LGR6: variants seen among roughly 807,000 people sequenced by gnomAD.
LGR6 encodes leucine-rich repeat-containing G protein-coupled receptor 6.
Under a neutral mutation model 69.4 loss-of-function variants are expected in LGR6, and 45 were observed. The ratio of observed to expected loss-of-function variants is 0.65; its 90% CI spans 0.51 to 0.83. LGR6 has a LOEUF of 0.83. Ranked by LOEUF, LGR6 falls within the 40% of genes least tolerant of loss-of-function variation. The pLI is 0.00. For missense variants in LGR6, 1,108 were observed against 1,246.7 expected (o/e 0.89, Z 1.68); for synonymous variants, 538 against 555.0 (o/e 0.97, Z 0.43).
intron 6 of LGR6, among the ~76,000 whole-genome samples, chr1:202,282,063 C>G (rs1271658887): frequency 6.6e-6 from 1 of 152,168 alleles, no homozygotes; most frequent in Admixed American, 6.5e-5. Flanking sequence ...TTGGGCTTAG[C>G]CTGAAGCGGG....
chr1:202,212,078 A>G (rs1659482965), intron 1 of LGR6, among the ~76,000 whole-genome samples: 1 of 152,192 alleles, frequency 6.6e-6, no homozygotes, highest in Non-Finnish European at 1.5e-5. Flanking sequence ...TCGATGGGCA[A>G]CCAGACATGT....
In LGR6 at chr1:202,194,020, T is replaced by C. The variant is rs1277173112; in HGVS notation, c.31T>C (p.Trp11Arg). MPSPPGLRAL[W>R]LCAALCASRR... Reference sequence around the variant, plus strand: ...CAGCCCGCCGGGGCTCCGGGCGCTATGGCTTTGCGCCGCGCTGTGCGCTTC... The same window carrying C: ...CAGCCCGCCGGGGCTCCGGGCGCTACGGCTTTGCGCCGCGCTGTGCGCTTC... Residue 11 changes from tryptophan (W) to arginine (R), a missense_variant, in exon 1 of 18, where the codon TGG (tryptophan) becomes CGG (arginine). Physicochemically the swap from Trp to Arg is moderately radical, Grantham distance 101. Transcript: ENST00000367278. 3 of 1,389,094 alleles carry C rather than the reference T, an allele frequency of 2.2e-6. No homozygotes were observed. The highest frequency in any genetic ancestry group is 2.8e-6 in the Non-Finnish European group (3 of 1,075,582). 86.0% of individuals were successfully genotyped at this position (1,389,094 alleles called of 1,614,324 possible).
intron 4 of LGR6, among the ~76,000 whole-genome samples, chr1:202,243,092 C>T (rs765189841): frequency 1.3e-5 from 2 of 152,064 alleles, no homozygotes; most frequent in Non-Finnish European, 1.5e-5. Flanking sequence ...ACGCATTTAA[C>T]CAGGGTGCTG....
At chr1:202,248,472 G>C (rs74567358) in intron 4 of LGR6, among the ~76,000 whole-genome samples, 4,699 of 152,290 alleles carry the variant, frequency 0.031, 235 homozygotes, top group African/African-American at 0.11. Flanking sequence ...CGCCAAAGTC[G>C]CTTCCCTCCC....
At chr1:202,309,745 G>T (rs573223746) in intron 15 of LGR6, among the ~76,000 whole-genome samples, 1 of 152,248 alleles carries the variant, frequency 6.6e-6, no homozygotes, top group African/African-American at 2.4e-5. Flanking sequence ...GCCCAGAGGT[G>T]GGGGAGGGAT....
intron 4 of LGR6, among the ~76,000 whole-genome samples, chr1:202,253,389 G>A (rs909596951): frequency 9.9e-5 from 15 of 151,142 alleles, no homozygotes; most frequent in African/African-American, 2.9e-4. Flanking sequence ...TGCAATCTCC[G>A]CCTCCTGGGT....
chr1:202,276,051 G>T (rs961417656), intron 4 of LGR6, among the ~76,000 whole-genome samples: 6 of 152,262 alleles, frequency 3.9e-5, no homozygotes, highest in East Asian at 1.9e-4. Context: ...CCAAGATTGT[G>T]CCACTGCACT....
intron 8 of LGR6, 25 bp from the exon 9 acceptor site, chr1:202,301,139 A>C: frequency 1.9e-6 from 3 of 1,610,208 alleles, no homozygotes; most frequent in Non-Finnish European, 2.6e-6. Flanking sequence ...AAACCCAATT[A>C]GGTGTTTGGA....
At chr1:202,211,017 A>T (rs1659444143) in intron 1 of LGR6, among the ~76,000 whole-genome samples, 1 of 152,218 alleles carries the variant, frequency 6.6e-6, no homozygotes, top group Admixed American at 6.5e-5. Flanking sequence ...GGGACTTAGA[A>T]GGTGGGTAGG....
intron 4 of LGR6, among the ~76,000 whole-genome samples, chr1:202,239,504 G>A (rs547679275): frequency 3.3e-5 from 5 of 152,018 alleles, no homozygotes; most frequent in African/African-American, 7.3e-5. Context: ...TTAAGACAGC[G>A]GGGAGCCACG....
chr1:202,311,933 G>A (rs1159679255), intron 16 of LGR6, among the ~76,000 whole-genome samples: 1 of 152,188 alleles, frequency 6.6e-6, no homozygotes, highest in Non-Finnish European at 1.5e-5. Context: ...ATGAGGACCC[G>A]ATGAGGAGCA....
At chr1:202,207,298 C>G (rs1345316005) in intron 1 of LGR6, among the ~76,000 whole-genome samples, 3 of 152,132 alleles carry the variant, frequency 2.0e-5, no homozygotes, top group Non-Finnish European at 4.4e-5. Flanking sequence ...GTCTCCCTCT[C>G]AGGGATGCCA....
rs1666295193 is a variant in LGR6 at position 202,285,039 on chromosome 1, TC to T, written c.716+4188del. ...TCTCTCTCTAAATCAGGACCAGCAT[TC>T]AACAGGGGCCTGGGACAGGAAGAGG... On this transcript the variant is annotated intron_variant, in intron 6 of 17. Coordinates refer to ENST00000367278, the MANE Select transcript of LGR6 (RefSeq NM_001017403.2). Among the ~76,000 whole-genome samples the T allele has an allele frequency of 3.9e-5, 6 of 152,336 alleles. No homozygotes were observed. The South Asian group carries it at 1.2e-3, about 32-fold the overall frequency.
At chr1:202,261,256 C>T (rs1015879469) in intron 4 of LGR6, among the ~76,000 whole-genome samples, 1 of 139,816 alleles carries the variant, frequency 7.2e-6, no homozygotes, top group Non-Finnish European at 1.5e-5. Context: ...ACAACAGTCC[C>T]CAGAGTGTGA....
intron 6 of LGR6, among the ~76,000 whole-genome samples, chr1:202,284,463 T>G (rs760733471): frequency 1.3e-5 from 2 of 152,216 alleles, no homozygotes; most frequent in Non-Finnish European, 2.9e-5. Flanking sequence ...CAAGTGACGG[T>G]AAACCACTAG....
rs1662756951 is a variant in LGR6 at position 202,246,941 on chromosome 1, A to G, written c.428+10948A>G. On this transcript the variant is annotated intron_variant, in intron 4 of 17. Transcript: ENST00000367278. ...TGTAGGGAATTGATCAGTTGGTAAA[A>G]TGGTTCATCTGCATACAAAGTTCAT... is the stretch of plus-strand genomic sequence containing the variant. 2.6e-5 allele frequency among the ~76,000 whole-genome samples: 4 copies of G among 152,308 alleles called. No individual in the cohort carries two copies. The South Asian group carries it at 8.3e-4, about 32-fold the overall frequency.
At chr1:202,273,873 T>A (rs753906937) in intron 4 of LGR6, among the ~76,000 whole-genome samples, 1 of 152,172 alleles carries the variant, frequency 6.6e-6, no homozygotes, top group African/African-American at 2.4e-5. Context: ...TCTCTCCTTG[T>A]TGAAATCCTA....
chr1:202,310,400 T>C, intron 16 of LGR6, 43 bp downstream of exon 16: 1 of 1,594,222 alleles, frequency 6.3e-7, no homozygotes, highest in Non-Finnish European at 8.6e-7. Context: ...TAGTGGGCTG[T>C]GGAGAGGAAG....
At chr1:202,302,341 G>A (rs1392032128) in intron 9 of LGR6, among the ~76,000 whole-genome samples, 2 of 152,152 alleles carry the variant, frequency 1.3e-5, no homozygotes, top group East Asian at 3.8e-4. Flanking sequence ...GCCCTGTTGG[G>A]CATGAACCCA....
Sources: gnomAD v4.1 joint callset for allele counts (sites outside exome capture counted in the v4.1 genomes callset) on GRCh38, gnomAD v4.1.1 for gene constraint, MANE v1.5 for transcripts, NCBI Gene and HGNC (gene_info 2026-07-23, HGNC 2026-07-21) for gene names.